Variants in MIS18BP1 observed in about 807,000 individuals in gnomAD.
The protein encoded by MIS18BP1 is MIS18 binding protein 1, also known as mis18-binding protein 1.
A neutral mutation model predicts 116.1 loss-of-function variants in MIS18BP1; 72 were observed. The ratio of observed to expected loss-of-function variants is 0.62; its 90% CI spans 0.51 to 0.75. The LOEUF (loss-of-function observed/expected upper bound fraction) is 0.75, where lower values mean the gene tolerates loss of function less well. MIS18BP1 is among the 30% of genes least tolerant of loss of function. MIS18BP1 has a pLI of 0.00. For missense variants in MIS18BP1, 1,363 were observed against 1,303.2 expected (o/e 1.05, Z -0.71); for synonymous variants, 386 against 427.0 (o/e 0.90, Z 1.18).
rs983466065 is a variant in MIS18BP1, at chr14:45,224,097, G to C, written c.2490C>G (p.Ile830Met). The C allele has an allele frequency of 5.6e-6, 9 of 1,612,026 alleles. No homozygotes were observed. The highest frequency in any genetic ancestry group is 7.6e-6 in the Non-Finnish European group (9 of 1,179,622). Residue 830 changes from isoleucine (I) to methionine (M), a missense_variant, in exon 11 of 17, where the codon ATC (isoleucine) becomes ATG (methionine). Physicochemically the swap from Ile to Met is conservative, Grantham distance 10 (BLOSUM62 1). Transcript: ENST00000310806. ...ETEESENEFY[I>M]KQKKARPSVK... Reference sequence around the variant, plus strand: ...CGGAAGGTCTAGCTTTCTTTTGTTTGATATAAAATTCATTTTCACTTTCTT... The same window carrying C: ...CGGAAGGTCTAGCTTTCTTTTGTTTCATATAAAATTCATTTTCACTTTCTT...
chr14:45,215,982 G>T (rs1890808004), intron 13 of MIS18BP1, among the ~76,000 whole-genome samples: 1 of 152,138 alleles, frequency 6.6e-6, no homozygotes, highest in African/African-American at 2.4e-5. Flanking sequence ...GGGATTATAG[G>T]TGTGAGCCAC....
intron 11 of MIS18BP1, among the ~76,000 whole-genome samples, chr14:45,221,212 G>A (rs1003076145): frequency 1.3e-5 from 2 of 152,154 alleles, no homozygotes; most frequent in African/African-American, 2.4e-5. Flanking sequence ...GCCAAGGCGG[G>A]AGGATCACGA....
At chr14:45,222,991 T>C (rs1393392569) in intron 11 of MIS18BP1, among the ~76,000 whole-genome samples, 2 of 152,182 alleles carry the variant, frequency 1.3e-5, no homozygotes, top group East Asian at 3.9e-4. Context: ...GAGTTTTAGA[T>C]ATATCTCAGC....
intron 12 of MIS18BP1, 136 bp from the exon 13 acceptor site, chr14:45,217,315 T>C: frequency 2.1e-6 from 2 of 948,944 alleles, no homozygotes; most frequent in East Asian, 5.0e-5. Flanking sequence ...TTGGCCAGGC[T>C]CAGTGGCTCA....
intron 6 of MIS18BP1, among the ~76,000 whole-genome samples, chr14:45,234,278 C>A (rs1343593921): frequency 6.8e-6 from 1 of 146,920 alleles, no homozygotes. Flanking sequence ...TAAATGTAAA[C>A]AAACTATATG....
chr14:45,210,089 T>G (rs1890631293), intron 14 of MIS18BP1: 1 of 227,408 alleles, frequency 4.4e-6, no homozygotes, highest in African/African-American at 2.3e-5. Context: ...TATTATAAAA[T>G]AATTCTCCAA....
intron 12 of MIS18BP1, 60 bp downstream of exon 12, chr14:45,218,222 T>A (rs1890874609): frequency 6.8e-7 from 1 of 1,471,892 alleles, no homozygotes; most frequent in Non-Finnish European, 9.3e-7. Context: ...TATATCTGAT[T>A]TCAGTGATCA....
intron 2 of MIS18BP1, 52 bp from the exon 3 acceptor site, chr14:45,242,926 A>T (rs1355925762): frequency 8.6e-7 from 1 of 1,167,892 alleles, no homozygotes; most frequent in Non-Finnish European, 1.2e-6. Context: ...TTAGTCACTA[A>T]GAAAAAAACA....
chr14:45,208,631 C>T (rs1890592541), intron 14 of MIS18BP1, among the ~76,000 whole-genome samples: 5 of 152,060 alleles, frequency 3.3e-5, no homozygotes, highest in Admixed American at 3.3e-4. Context: ...CGCGCCCGGC[C>T]ACGGATGAAT....
At position 45,235,885 on chromosome 14, in the gene MIS18BP1, T is replaced by C; in HGVS notation, c.1277A>G (p.Lys426Arg). ...NVIIERIEHN[K>R]LRTISGNVYI... is the part of the protein sequence containing the mutation. The stretch of plus-strand genomic sequence containing the variant: ...AACGTTGCCTGATATAGTCCTAAGT[T>C]TGTTGTGCTCAATCCGCTCTATAAT... The change falls in exon 6 of 17, where the codon AAA becomes AGA. Residue 426 changes from lysine (K) to arginine (R), a missense_variant. Coordinates refer to ENST00000310806, the MANE Select transcript of MIS18BP1 (RefSeq NM_018353.5). The C allele has an allele frequency of 6.2e-7, 1 of 1,611,770 alleles. No homozygotes were observed. The highest frequency in any genetic ancestry group is 8.5e-7 in the Non-Finnish European group (1 of 1,178,558).
chr14:45,242,297 G>C lies in MIS18BP1; in HGVS notation c.880C>G (p.Pro294Ala), dbSNP rs1411377267. 1 of 1,613,960 alleles carries C rather than the reference G, an allele frequency of 6.2e-7. No homozygotes were observed. The highest frequency in any genetic ancestry group is 8.5e-7 in the Non-Finnish European group (1 of 1,179,980). ...ATTAACAGGCTGCCATTTTTAATAG[G>C]AATACAATTAGTACTGAGAGTCTCA... ...NAETLSTNCI[P>A]IKNGSLLMVS... Residue 294 changes from proline to alanine, a missense_variant, in exon 4 of 17, where the codon CCT (proline) becomes GCT (alanine). Transcript: ENST00000310806.
At chr14:45,221,125 A>T (rs1354837065) in intron 11 of MIS18BP1, among the ~76,000 whole-genome samples, 2 of 148,874 alleles carry the variant, frequency 1.3e-5, no homozygotes, top group Non-Finnish European at 3.0e-5. Context: ...ACAGAGTGAG[A>T]CTCTGTCTCC....
At chr14:45,205,692 T>C (rs1175269510) in intron 15 of MIS18BP1, among the ~76,000 whole-genome samples, 16 of 152,210 alleles carry the variant, frequency 1.1e-4, no homozygotes, top group Admixed American at 8.5e-4. Flanking sequence ...TAAAGCTACA[T>C]AGAATTTGAT....
Position 45,206,103 on chromosome 14 carries a change from CCCAGA to C in MIS18BP1, c.3215_3219del (p.Val1072GlyfsTer9). ...CTTACTAATTTTTTCTTGATGTTGC[CCCAGA>C]CAATACCACCATTACTTTTATGATA... On this transcript the variant is annotated frameshift_variant, in exon 15 of 17. Coordinates refer to ENST00000310806, the MANE Select transcript of MIS18BP1 (RefSeq NM_018353.5). LOFTEE classifies it high-confidence loss of function. 6.2e-7 allele frequency: 1 copy of C among 1,605,242 alleles called. No homozygotes were observed. The highest frequency in any genetic ancestry group is 8.5e-7 in the Non-Finnish European group (1 of 1,173,400).
chr14:45,210,581 A>C, intron 13 of MIS18BP1, 53 bp from the exon 14 acceptor site: 1,719 of 1,582,910 alleles, frequency 1.1e-3, no homozygotes, highest in Non-Finnish European at 1.4e-3. Context: ...GTATTTTCTC[A>C]TTATCACAAA....
At position 45,204,001 on chromosome 14, in the gene MIS18BP1, A is replaced by G. The variant is rs1890438249; in HGVS notation, c.*108T>C. 4 of 1,455,298 alleles carry G rather than the reference A, an allele frequency of 2.7e-6. No homozygotes were observed. The highest frequency in any genetic ancestry group is 6.0e-5 in the Admixed American group (2 of 33,128). The allele number at this position is 1,455,298 out of a possible 1,614,324, so 90.1% of individuals were successfully genotyped here. A position where few individuals can be genotyped will look rare whatever the true frequency, so the allele number is the denominator to read the frequency against. On this transcript the variant is annotated 3_prime_UTR_variant, in exon 17 of 17. Coordinates refer to ENST00000310806, the MANE Select transcript of MIS18BP1 (RefSeq NM_018353.5). ...ATATGAAACCTTCAAAAAAGTCCAC[A>G]TTTTCATAGGAAGCTACTTTACAAA...
chr14:45,233,919 CA>C, intron 6 of MIS18BP1, among the ~76,000 whole-genome samples: 1 of 152,040 alleles, frequency 6.6e-6, no homozygotes, highest in East Asian at 1.9e-4. Context: ...TGGCATTCAT[CA>C]TCATATAAAT....
chr14:45,210,316 A>G, intron 14 of MIS18BP1, 64 bp downstream of exon 14: 3 of 1,506,864 alleles, frequency 2.0e-6, no homozygotes, highest in South Asian at 1.2e-5. Context: ...TCCTCATGAA[A>G]TGTTTAAATG....
chr14:45,246,773 AT>A lies in MIS18BP1; in HGVS notation c.513del (p.Lys171AsnfsTer10). On this transcript the variant is annotated frameshift_variant, in exon 2 of 17. Transcript: ENST00000310806. LOFTEE classifies it high-confidence loss of function. ...TYLCEEKENNKSFQSDDSSLR... is the reference protein window; with the variant it reads ...TYLCEEKENNXSFQSDDSSLR... ...AGTGAACTGTCATCTGACTGGAATGATTTGTTGTTTTCCTTTTCTTCACATA... is the reference window on the plus strand; with the variant it reads ...AGTGAACTGTCATCTGACTGGAATGATTGTTGTTTTCCTTTTCTTCACATA... The A allele has an allele frequency of 6.3e-7, 1 of 1,576,616 alleles. No homozygotes were observed. The highest frequency in any genetic ancestry group is 8.6e-7 in the Non-Finnish European group (1 of 1,168,886).
Sources: gnomAD v4.1 joint callset for allele counts (sites outside exome capture counted in the v4.1 genomes callset) on GRCh38, gnomAD v4.1.1 for gene constraint, MANE v1.5 for transcripts, NCBI Gene and HGNC (gene_info 2026-07-23, HGNC 2026-07-21) for gene names.